The following PTPRU variants were observed in gnomAD, a reference collection of about 807,000 sequenced individuals.
PTPRU encodes protein tyrosine phosphatase receptor type U.
In PTPRU, 69 loss-of-function variants were observed where a neutral mutation model predicts 166.3. The ratio of observed to expected loss-of-function variants is 0.41; its 90% CI spans 0.34 to 0.51. The LOEUF (loss-of-function observed/expected upper bound fraction) is 0.51. Ranked by LOEUF, PTPRU falls within the 20% of genes least tolerant of loss-of-function variation. The probability of loss-of-function intolerance (pLI) is 0.09; values close to 1 mark genes in which losing one functional copy is unlikely to be tolerated. For missense variants in PTPRU, 1,657 were observed against 2,013.7 expected (o/e 0.82, Z 3.39); for synonymous variants, 793 against 814.0 (o/e 0.97, Z 0.44).
intron 14 of PTPRU, among the ~76,000 whole-genome samples, chr1:29,287,554 C>A (rs1461355955): frequency 2.0e-5 from 3 of 150,788 alleles, no homozygotes; most frequent in Non-Finnish European, 4.4e-5. Flanking sequence ...TCACAGCAGT[C>A]CCTGTGGGAG....
At chr1:29,239,685 C>A (rs1015548289) in intron 1 of PTPRU, among the ~76,000 whole-genome samples, 36 of 152,138 alleles carry the variant, frequency 2.4e-4, no homozygotes, top group Admixed American at 7.2e-4. Context: ...CCTTGTGCTC[C>A]TCCTTCCTCC....
rs886468773 is a variant in PTPRU, at chr1:29,238,792, A to G, written c.73+2075A>G. On this transcript the variant is annotated intron_variant, in intron 1 of 29. Coordinates refer to ENST00000373779, the MANE Select transcript of PTPRU (RefSeq NM_133178.4). The surrounding 1 kb of genome is among the most constrained non-coding windows in gnomAD (Gnocchi z 6.1). ...GCGCCCCATCCCCGCTCCTACCACC[A>G]TCGCTTTGATTTCAAGAACACTCAC... 4.6e-5 allele frequency among the ~76,000 whole-genome samples: 7 copies of G among 151,708 alleles called. No individual in the cohort carries two copies. The highest frequency in any genetic ancestry group is 4.4e-5 in the Non-Finnish European group (3 of 67,924).
chr1:29,315,521 G>T lies in PTPRU; in HGVS notation c.3363+14G>T, dbSNP rs994338245. The T allele has an allele frequency of 3.1e-6, 5 of 1,613,916 alleles. No homozygotes were observed. In the African/African-American group the frequency reaches 5.3e-5, roughly 17 times the overall value. On this transcript the variant is annotated intron_variant, in intron 23 of 29. Coordinates refer to ENST00000373779, the MANE Select transcript of PTPRU (RefSeq NM_133178.4). This position sits in a 1 kb window ranked among gnomAD's most constrained non-coding sequence, Gnocchi z 4.5. ...ATCCAGACTGAGGTGCGGGGACCTG[G>T]CCCTGTCCCCACCATTATTACTTCT... is the stretch of plus-strand genomic sequence containing the variant.
At chr1:29,274,247 G>T (rs542717564) in intron 7 of PTPRU, among the ~76,000 whole-genome samples, 12 of 151,632 alleles carry the variant, frequency 7.9e-5, no homozygotes, top group African/African-American at 2.9e-4. Flanking sequence ...CACCATATTG[G>T]CCAGGCTGGG....
intron 18 of PTPRU, chr1:29,307,248 G>A: frequency 7.0e-7 from 1 of 1,436,964 alleles, no homozygotes; most frequent in Non-Finnish European, 9.7e-7. Flanking sequence ...CTGTCTCTCT[G>A]TCTCTGTCCT....
rs367889632 is a variant in PTPRU, at chr1:29,284,881, C to T, written c.2318+12C>T. ...ATCATCCGCAAAGGGTGAGTGAGGCCGGTGCCCTGTCCCACCAGTGGCTTC... is the reference window on the plus strand; with the variant it reads ...ATCATCCGCAAAGGGTGAGTGAGGCTGGTGCCCTGTCCCACCAGTGGCTTC... On this transcript the variant is annotated intron_variant, in intron 14 of 29. Coordinates refer to ENST00000373779, the MANE Select transcript of PTPRU (RefSeq NM_133178.4). 63 of 1,600,152 alleles carry T rather than the reference C, an allele frequency of 3.9e-5. 1 individual carries two copies. The highest frequency in any genetic ancestry group is 2.4e-4 in the African/African-American group (18 of 74,694).
chr1:29,237,153 TTGTG>T lies in PTPRU; in HGVS notation c.73+440_73+443del, dbSNP rs1358055600. ...TGTTTGTTTTGTGTCTGCGAGTGGG[TTGTG>T]TGTTTGTGTTATGCCTGTGGCCAAG... On this transcript the variant is annotated intron_variant, in intron 1 of 29. Coordinates refer to ENST00000373779, the MANE Select transcript of PTPRU (RefSeq NM_133178.4). This position sits in a 1 kb window ranked among gnomAD's most constrained non-coding sequence, Gnocchi z 6.4. 6.6e-6 allele frequency among the ~76,000 whole-genome samples: 1 copy of T among 151,942 alleles called. No individual in the cohort carries two copies. Among genetic ancestry groups the T allele is most frequent in the Non-Finnish European group, 1.5e-5 (1 of 68,004 alleles).
rs376017291 is a variant in PTPRU, at chr1:29,315,975, C to T, written c.3364-27C>T. ...GATCTCCAGCTTCTAGGCCCCTCCTCGGCCTCATTCTCATCTCCTGTTCCA... is the reference window on the plus strand; with the variant it reads ...GATCTCCAGCTTCTAGGCCCCTCCTTGGCCTCATTCTCATCTCCTGTTCCA... On this transcript the variant is annotated intron_variant, in intron 23 of 29. Transcript: ENST00000373779. The surrounding 1 kb of genome is among the most constrained non-coding windows in gnomAD (Gnocchi z 4.5). 3.2e-5 allele frequency: 52 copies of T among 1,612,286 alleles called. No individual in the cohort carries two copies. Among genetic ancestry groups the T allele is most frequent in the East Asian group, 2.0e-4 (9 of 44,858 alleles).
intron 15 of PTPRU, 140 bp from the exon 16 acceptor site, chr1:29,303,715 A>T (rs2151963143): frequency 1.2e-6 from 1 of 842,166 alleles, no homozygotes; most frequent in Non-Finnish European, 1.8e-6. Flanking sequence ...GGGCCTGGCT[A>T]GGCTGCTTGG....
intron 5 of PTPRU, 35 bp downstream of exon 5, chr1:29,259,599 G>GCCCACC: frequency 6.8e-7 from 1 of 1,467,292 alleles, no homozygotes; most frequent in Non-Finnish European, 9.3e-7. Context: ...TGGGGGCGGG[G>GCCCACC]TGGGAGGGGG....
At position 29,325,694 on chromosome 1, in the gene PTPRU, T is replaced by G; in HGVS notation, c.*33T>G. 2 of 1,546,928 alleles carry G rather than the reference T, an allele frequency of 1.3e-6. No homozygotes were observed. The highest frequency in any genetic ancestry group is 1.8e-6 in the Non-Finnish European group (2 of 1,132,398). ...CTGGCCTGGGGCACCCACTGCACAC[T>G]CAGGGCCAGACCCACCATCCTGGAC... On this transcript the variant is annotated 3_prime_UTR_variant, in exon 30 of 30. Coordinates refer to ENST00000373779, the MANE Select transcript of PTPRU (RefSeq NM_133178.4).
chr1:29,272,906 C>CAAA lies in PTPRU; in HGVS notation c.1145-2523_1145-2521dup, dbSNP rs57076551. Among the ~76,000 whole-genome samples the CAAA allele has an allele frequency of 6.7e-3, 366 of 54,422 alleles. 10 individuals are homozygous for CAAA. The highest frequency in any genetic ancestry group is 0.017 in the East Asian group (40 of 2,398). 35.7% of individuals were successfully genotyped at this position (54,422 alleles called of 152,430 possible). On this transcript the variant is annotated intron_variant, in intron 7 of 29. Coordinates refer to ENST00000373779, the MANE Select transcript of PTPRU (RefSeq NM_133178.4). ...TGGATGACAGAGCAAGACCTTGTCT[C>CAAA]AAAAAAAAAAAAAAAAAAAAAGAAA...
In PTPRU at chr1:29,325,970, GCTCTGGGGGACT is replaced by G; in HGVS notation, c.*311_*322del. 2.3e-6 allele frequency: 1 copy of G among 443,002 alleles called. No individual in the cohort carries two copies. The highest frequency in any genetic ancestry group is 3.9e-6 in the Non-Finnish European group (1 of 255,066). The allele number at this position is 443,002 out of a possible 1,614,324, so 27.4% of individuals were successfully genotyped here. A position where few individuals can be genotyped will look rare whatever the true frequency, so the allele number is the denominator to read the frequency against. On this transcript the variant is annotated 3_prime_UTR_variant, in exon 30 of 30. Coordinates refer to ENST00000373779, the MANE Select transcript of PTPRU (RefSeq NM_133178.4). ...GAGTGACAAAGGCTCAGGACGGCTG[GCTCTGGGGGACT>G]CAGGCCAAGCCCCTTGGCACCATCC...
In PTPRU at chr1:29,255,257, C is replaced by T; in HGVS notation, c.74-18C>T. On this transcript the variant is annotated intron_variant, in intron 1 of 29. Coordinates refer to ENST00000373779, the MANE Select transcript of PTPRU (RefSeq NM_133178.4). ...CAGCCCTGCCTTAGCCTGGGCTAAC[C>T]AGGCCCTGCTCTCACAGCTGGCTGC... 1 of 1,611,160 alleles carries T rather than the reference C, an allele frequency of 6.2e-7. No homozygotes were observed. Among genetic ancestry groups the T allele is most frequent in the Non-Finnish European group, 8.5e-7 (1 of 1,178,074 alleles).
At chr1:29,282,978 C>A in intron 12 of PTPRU, 29 bp downstream of exon 12, 1 of 1,591,022 alleles carries the variant, frequency 6.3e-7, no homozygotes, top group Non-Finnish European at 8.5e-7. Context: ...TCATGGTGGG[C>A]GTGGTTGGGT....
rs150059433 is a variant in PTPRU, at chr1:29,316,176, G to GGTGT, written c.3513+38_3513+41dup. The GGTGT allele has an allele frequency of 6.0e-5, 95 of 1,578,090 alleles. No homozygotes were observed. The South Asian group carries it at 9.7e-4, about 16-fold the overall frequency. On this transcript the variant is annotated intron_variant, in intron 24 of 29. Transcript: ENST00000373779. ...GGTGGGGGATGAGTGCGTGTGTATA[G>GGTGT]GTGTGTGTGTGTGTGTCTGTGTGTG...
chr1:29,299,605 G>A (rs1687048451), intron 15 of PTPRU, among the ~76,000 whole-genome samples: 1 of 152,204 alleles, frequency 6.6e-6, no homozygotes, highest in East Asian at 1.9e-4. Context: ...CTCAGCCACT[G>A]TGCACTGATT....
chr1:29,299,528 TTC>T (rs1453564339), intron 15 of PTPRU, among the ~76,000 whole-genome samples: 1 of 152,220 alleles, frequency 6.6e-6, no homozygotes, highest in Non-Finnish European at 1.5e-5. Flanking sequence ...TCTTGTGTTA[TTC>T]TTAGGCTCAG....
In PTPRU at chr1:29,317,712, G is replaced by A; in HGVS notation, c.3514-36G>A. ...ATGTGAGGAGGCCCAGCAAGCCCTG[G>A]ACGTAACTCTCTGTCCCCACCCCCG... On this transcript the variant is annotated intron_variant, in intron 24 of 29. Transcript: ENST00000373779. This position sits in a 1 kb window ranked among gnomAD's most constrained non-coding sequence, Gnocchi z 5.6. 1 of 1,570,710 alleles carries A rather than the reference G, an allele frequency of 6.4e-7. No individual in the cohort carries two copies. The highest frequency in any genetic ancestry group is 8.6e-7 in the Non-Finnish European group (1 of 1,160,850).
Sources: gnomAD v4.1 joint callset for allele counts (sites outside exome capture counted in the v4.1 genomes callset) on GRCh38, gnomAD v4.1.1 for gene constraint, Gnocchi (gnomAD v3.1) non-coding constraint, MANE v1.5 for transcripts, NCBI Gene and HGNC (gene_info 2026-07-23, HGNC 2026-07-21) for gene names.